Variants in RTL9 observed in about 807,000 individuals in gnomAD.
RTL9 encodes the protein retrotransposon Gag-like protein 9.
Under a neutral mutation model 44.7 loss-of-function variants are expected in RTL9, and 19 were observed. That is an observed-to-expected ratio of 0.42 (90% confidence interval 0.30 to 0.62). The LOEUF (loss-of-function observed/expected upper bound fraction) is 0.62. Ranked by LOEUF, RTL9 falls within the 20% of genes least tolerant of loss-of-function variation. The pLI is 0.16. For synonymous variants in RTL9, 407 were observed against 398.9 expected (o/e 1.02, Z -0.24); for missense variants, 1,105 against 1,080.6 (o/e 1.02, Z -0.32).
exon 1 of RTL9, chrX:110,454,659 G>C: frequency 8.4e-7 from 1 of 1,184,154 alleles, no homozygotes; most frequent in Non-Finnish European, 1.1e-6. Context: ...GCAGCAGACT[G>C]AGGAGGTAAT....
intron 1 of RTL9, among the ~76,000 whole-genome samples, chrX:110,409,574 C>T (rs1195022878): frequency 9.0e-6 from 1 of 111,088 alleles, no homozygotes; most frequent in Non-Finnish European, 1.9e-5. Flanking sequence ...CTCCATGCCC[C>T]CATTAGGATC....
chrX:110,410,674 G>C lies in RTL9; in HGVS notation c.-167-34479G>C, dbSNP rs189766044. On this transcript the variant is annotated intron_variant, in intron 1 of 2. Coordinates refer to the RTL9 transcript ENST00000520821. ...CCACAGACAAAATGTCCACAGCTTT[G>C]GGAAGCATGGAGGGAGAAGGGAAAC... 4.5e-4 allele frequency among the ~76,000 whole-genome samples: 50 copies of C among 111,767 alleles called. 3 individuals are homozygous for C. The East Asian group carries it at 0.014, about 31-fold the overall frequency.
rs779691815 is a variant in RTL9 at position 110,451,430 on chromosome X, G to T, written c.813G>T (p.Leu271=). The T allele has an allele frequency of 1.2e-4, 143 of 1,210,168 alleles. No homozygotes were observed. In the South Asian group the frequency reaches 2.0e-3, roughly 17 times the overall value. ...CGGACTCTGAAGCAATATCCTCACT[G>T]ATAATGTCAGCTGTAGCTTCTGGAG... The change falls in exon 1 of 2, where the codon CTG becomes CTT. Residue 271 remains leucine, a synonymous_variant. Transcript: ENST00000540313.
At chrX:110,448,071 T>C (rs2068918150), upstream of RTL9, among the ~76,000 whole-genome samples, 1 of 112,381 alleles carries the variant, frequency 8.9e-6, no homozygotes, top group African/African-American at 3.2e-5. Flanking sequence ...CTGAAATCCA[T>C]GGAGCCTTTC....
intron 1 of RTL9, among the ~76,000 whole-genome samples, chrX:110,426,407 C>T (rs771689497): frequency 2.1e-4 from 23 of 111,612 alleles, no homozygotes; most frequent in Non-Finnish European, 3.2e-4. Context: ...TGCTTGCCCA[C>T]GGAGGAGACT....
intron 1 of RTL9, among the ~76,000 whole-genome samples, chrX:110,410,408 G>A (rs1212985552): frequency 8.9e-6 from 1 of 112,102 alleles, no homozygotes; most frequent in Non-Finnish European, 1.9e-5. Flanking sequence ...AGTAGGACAA[G>A]AGGAACTCGC....
chrX:110,405,093 C>CG (rs965088651), intron 1 of RTL9, among the ~76,000 whole-genome samples: 1 of 99,441 alleles, frequency 1.0e-5, no homozygotes, highest in Non-Finnish European at 2.1e-5. Flanking sequence ...TTGTGTCCCC[C>CG]CCCCCCCCAA....
At chrX:110,368,602 T>C (rs1384548965) in intron 1 of RTL9, among the ~76,000 whole-genome samples, 2 of 112,095 alleles carry the variant, frequency 1.8e-5, no homozygotes, top group East Asian at 5.5e-4. Flanking sequence ...AAATTGCCAC[T>C]CTCTGCATGC....
exon 1 of RTL9, chrX:110,454,046 G>A: frequency 8.2e-7 from 1 of 1,212,161 alleles, no homozygotes; most frequent in Non-Finnish European, 1.1e-6. Flanking sequence ...CCTTCGGAAT[G>A]TTGACCCCAG....
At chrX:110,454,729 A>G in intron 1 of RTL9, 65 bp downstream of exon 3, 1 of 957,910 alleles carries the variant, frequency 1.0e-6, no homozygotes, top group Admixed American at 3.3e-5. Context: ...GACAGGGAAT[A>G]CATCCTGCTT....
At chrX:110,380,160 G>A (rs2068408696) in intron 1 of RTL9, among the ~76,000 whole-genome samples, 1 of 111,662 alleles carries the variant, frequency 9.0e-6, no homozygotes, top group Non-Finnish European at 1.9e-5. Flanking sequence ...GTACAGACAT[G>A]GGAAAATGTA....
intron 1 of RTL9, among the ~76,000 whole-genome samples, chrX:110,401,436 CT>C (rs750171686): frequency 2.6e-4 from 29 of 111,893 alleles, no homozygotes; most frequent in Admixed American, 4.7e-4. Flanking sequence ...ACCTTGACCT[CT>C]GGTTTGTGTT....
At position 110,451,380 on chromosome X, in the gene RTL9, A is replaced by T. The variant is rs773036412; in HGVS notation, c.763A>T (p.Ile255Leu). 4.1e-6 allele frequency: 5 copies of T among 1,210,264 alleles called. No individual in the cohort carries two copies. In the Admixed American group the frequency reaches 6.5e-5, roughly 16 times the overall value. The change falls in exon 1 of 2, where the codon ATA becomes TTA. Residue 255 changes from isoleucine to leucine, a missense_variant. Physicochemically the swap from Ile to Leu is conservative, Grantham distance 5 (BLOSUM62 2). Coordinates refer to ENST00000540313, the Ensembl canonical transcript of RTL9. ...AATGACTGCTCTAGCCTCTGGAGAGATATCTTCGCTGCTAATGTCAGGCAC... is the reference window on the plus strand; with the variant it reads ...AATGACTGCTCTAGCCTCTGGAGAGTTATCTTCGCTGCTAATGTCAGGCAC...
chrX:110,454,974 A>G (rs1278490940), intron 1 of RTL9, among the ~76,000 whole-genome samples: 1 of 111,602 alleles, frequency 9.0e-6, no homozygotes, highest in Non-Finnish European at 1.9e-5. Context: ...TCCAAGTCCA[A>G]TTCTAATAAA....
chrX:110,450,572 C>G, exon 1 of RTL9: 1 of 1,102,086 alleles, frequency 9.1e-7, no homozygotes, highest in Non-Finnish European at 1.2e-6. Flanking sequence ...TACAGATTTT[C>G]TTGCCTCCTG....
intron 1 of RTL9, among the ~76,000 whole-genome samples, chrX:110,375,778 A>T (rs1328835801): frequency 8.9e-6 from 1 of 112,262 alleles, no homozygotes; most frequent in Admixed American, 9.4e-5. Context: ...TGGGCTAATG[A>T]TTTCAAGTTT....
At chrX:110,433,351 T>C (rs369386771) in intron 1 of RTL9, among the ~76,000 whole-genome samples, 2 of 111,767 alleles carry the variant, frequency 1.8e-5, no homozygotes, top group African/African-American at 6.5e-5. Context: ...CAAGCACTTC[T>C]CTCTCTTCCA....
intron 1 of RTL9, among the ~76,000 whole-genome samples, chrX:110,435,122 GGGAGGGAGGGGGAAGAA>G (rs1475490261): frequency 1.2e-5 from 1 of 83,625 alleles, no homozygotes; most frequent in Admixed American, 1.2e-4. Flanking sequence ...GGAGGAAGGA[GGGAGGGAGGGGGAAGAA>G]GGAGGGAGTG....
intron 1 of RTL9, among the ~76,000 whole-genome samples, chrX:110,420,157 G>A (rs941726997): frequency 9.0e-6 from 1 of 111,666 alleles, no homozygotes; most frequent in Non-Finnish European, 1.9e-5. Flanking sequence ...CCCCAGGCAC[G>A]ATTCTACTAC....
Sources: gnomAD v4.1 joint callset for allele counts (sites outside exome capture counted in the v4.1 genomes callset) on GRCh38, gnomAD v4.1.1 for gene constraint, MANE v1.5 for transcripts, NCBI Gene and HGNC (gene_info 2026-07-23, HGNC 2026-07-21) for gene names.